Variants in FBXO9 observed in about 807,000 individuals in gnomAD.
The protein encoded by FBXO9 is F-box protein 9.
A neutral mutation model predicts 63.7 loss-of-function variants in FBXO9; 43 were observed. That is an observed-to-expected ratio of 0.67 (90% CI 0.53 to 0.87). FBXO9 has a LOEUF of 0.87. FBXO9 is among the 40% of genes least tolerant of loss of function. FBXO9 has a pLI of 0.00. For synonymous variants in FBXO9, 156 were observed against 171.7 expected (o/e 0.91, Z 0.72); for missense variants, 442 against 533.2 (o/e 0.83, Z 1.68).
chr6:53,076,500 C>T lies in FBXO9; in HGVS notation c.264C>T (p.Phe88=). ...QAKEEKAREL[F]LKAVEEEQNG... is the part of the protein sequence containing the mutation. ...TATTTTTATAGGCTCGAGAACTCTT[C>T]CTAAAAGCAGTAGAAGAAGAACAAA... is the stretch of plus-strand genomic sequence containing the variant. The change falls in exon 4 of 13, where the codon TTC becomes TTT. Residue 88 remains phenylalanine (F), a synonymous_variant. Transcript: ENST00000323557. 1.3e-6 allele frequency: 2 copies of T among 1,544,058 alleles called. No homozygotes were observed. The highest frequency in any genetic ancestry group is 2.6e-5 in the South Asian group (2 of 77,386).
chr6:53,070,947 A>C, intron 1 of FBXO9, 110 bp from the exon 2 acceptor site: 1 of 1,492,360 alleles, frequency 6.7e-7, no homozygotes, highest in South Asian at 1.3e-5. Flanking sequence ...GGTTCCACAA[A>C]GTGTTGACAG....
chr6:53,081,921 T>A (rs1312799747), intron 6 of FBXO9, among the ~76,000 whole-genome samples: 1 of 152,032 alleles, frequency 6.6e-6, no homozygotes. Context: ...ATACAAAAAT[T>A]AGCTGGGCGT....
rs751906367 is a variant in FBXO9 at position 53,095,558 on chromosome 6, C to G, written c.1099C>G (p.Gln367Glu). Residue 367 changes from glutamine to glutamate, a missense_variant, in exon 12 of 13, where the codon CAA becomes GAA. This residue lies in a region of FBXO9 where 262 missense variants were observed against 362.1 expected (regional missense o/e 0.72). Transcript: ENST00000323557. ...KYRYFRRVPV[Q>E]EADQSFHVGL... ...CAGATATTTTCGTCGTGTCCCTGTA[C>G]AAGAAGCAGATCAGAGTTTTCATGT... 13 of 1,613,312 alleles carry G rather than the reference C, an allele frequency of 8.1e-6. No homozygotes were observed. The Admixed American group carries it at 2.0e-4, about 25-fold the overall frequency.
At chr6:53,066,838 C>T (rs757947986) in intron 1 of FBXO9, among the ~76,000 whole-genome samples, 4 of 152,186 alleles carry the variant, frequency 2.6e-5, no homozygotes, top group East Asian at 3.8e-4. Flanking sequence ...AGGAAAACCT[C>T]CAGGTGGCAT....
intron 1 of FBXO9, among the ~76,000 whole-genome samples, chr6:53,066,722 C>T (rs954947927): frequency 6.6e-6 from 1 of 152,162 alleles, no homozygotes; most frequent in Admixed American, 6.5e-5. Flanking sequence ...ATTTATTAAT[C>T]GCACCTGTGA....
intron 11 of FBXO9, chr6:53,094,878 G>A: frequency 6.9e-6 from 2 of 287,886 alleles, no homozygotes; most frequent in Non-Finnish European, 1.4e-5. Context: ...TAGTTGCTCA[G>A]GTTTTATCTA....
At chr6:53,078,999 A>G (rs746279791) in intron 5 of FBXO9, 101 bp downstream of exon 5, 104 of 760,378 alleles carry the variant, frequency 1.4e-4, no homozygotes, top group African/African-American at 1.2e-3. Context: ...GTTGAGCTCT[A>G]TACTCTTTAG....
At chr6:53,065,131 A>G (rs1768635787), upstream of FBXO9, 1 of 152,360 alleles carries the variant, frequency 6.6e-6, no homozygotes, top group East Asian at 1.9e-4. Context: ...CGACTGTCCC[A>G]AGCGTCCAGT....
intron 5 of FBXO9, among the ~76,000 whole-genome samples, chr6:53,079,127 CA>C (rs1045712508): frequency 4.6e-5 from 7 of 151,278 alleles, no homozygotes; most frequent in African/African-American, 1.7e-4. Flanking sequence ...TAAACAGATA[CA>C]AAAAAACGGT....
intron 7 of FBXO9, among the ~76,000 whole-genome samples, chr6:53,086,210 T>C (rs1229438900): frequency 6.6e-6 from 1 of 152,206 alleles, no homozygotes; most frequent in Non-Finnish European, 1.5e-5. Flanking sequence ...TAATTTAGGA[T>C]CTTGACTCTG....
chr6:53,075,513 T>C (rs1769065123), intron 3 of FBXO9, among the ~76,000 whole-genome samples: 1 of 150,774 alleles, frequency 6.6e-6, no homozygotes, highest in Admixed American at 6.6e-5. Context: ...CCCAAAGTGC[T>C]GGGATTACAG....
intron 3 of FBXO9, among the ~76,000 whole-genome samples, chr6:53,075,112 GCTA>G: frequency 6.6e-6 from 1 of 151,844 alleles, no homozygotes; most frequent in Non-Finnish European, 1.5e-5. Context: ...ATTTAGTGTT[GCTA>G]CTTTTTAATT....
chr6:53,084,596 T>C (rs1769420067), intron 7 of FBXO9, among the ~76,000 whole-genome samples: 1 of 152,216 alleles, frequency 6.6e-6, no homozygotes, highest in Admixed American at 6.5e-5. Flanking sequence ...ATGATATTGT[T>C]GTGTGGCTCA....
chr6:53,095,675 G>A lies in FBXO9; in HGVS notation c.1205+11G>A, dbSNP rs1295625021. On this transcript the variant is annotated intron_variant, in intron 12 of 12. Coordinates refer to ENST00000323557, the MANE Select transcript of FBXO9 (RefSeq NM_033480.3). ...TCACATTACTTACAAGTAGGTGAAT[G>A]CAATAAAAATAACAAGGTTACACTA... The A allele has an allele frequency of 1.3e-6, 2 of 1,597,222 alleles. No homozygotes were observed. The highest frequency in any genetic ancestry group is 3.6e-5 in the Admixed American group (2 of 55,918).
chr6:53,080,252 C>T (rs1769264465), intron 5 of FBXO9, among the ~76,000 whole-genome samples: 1 of 151,138 alleles, frequency 6.6e-6, no homozygotes, highest in African/African-American at 2.4e-5. Flanking sequence ...TCCATCTAGC[C>T]TCAACCACAC....
chr6:53,088,110 G>A (rs904216573), intron 7 of FBXO9, among the ~76,000 whole-genome samples: 1 of 151,822 alleles, frequency 6.6e-6, no homozygotes, highest in Admixed American at 6.6e-5. Context: ...ATATATCCTT[G>A]TAACTTTCTT....
intron 5 of FBXO9, among the ~76,000 whole-genome samples, chr6:53,080,124 C>G (rs1461648887): frequency 6.6e-6 from 1 of 151,770 alleles, no homozygotes; most frequent in East Asian, 1.9e-4. Context: ...TATACAAACC[C>G]AGACGCTATG....
intron 1 of FBXO9, among the ~76,000 whole-genome samples, chr6:53,068,654 G>GTTTT (rs55671320): frequency 5.3e-5 from 7 of 132,206 alleles, no homozygotes; most frequent in Admixed American, 1.6e-4. Flanking sequence ...ATATATATGT[G>GTTTT]TTTTTTTTTT....
chr6:53,089,055 T>A (rs1414066019), intron 7 of FBXO9, among the ~76,000 whole-genome samples: 8 of 149,274 alleles, frequency 5.4e-5, no homozygotes. Flanking sequence ...GTAGCCCTAG[T>A]GGGGTTTTTT....
Sources: gnomAD v4.1 joint callset for allele counts (sites outside exome capture counted in the v4.1 genomes callset) on GRCh38, gnomAD v4.1.1 for gene constraint, gnomAD v4.1.1 regional missense constraint, MANE v1.5 for transcripts, NCBI Gene and HGNC (gene_info 2026-07-23, HGNC 2026-07-21) for gene names.